The following MAGI2 variants were observed in gnomAD, a reference collection of about 807,000 sequenced individuals.
MAGI2 encodes membrane associated guanylate kinase, WW and PDZ domain containing 2.
In MAGI2, 35 loss-of-function variants were observed where a neutral mutation model predicts 133.3. The ratio of observed to expected loss-of-function variants is 0.26; its 90% CI spans 0.20 to 0.35. MAGI2 has a LOEUF of 0.35. Among genes scored for constraint, MAGI2 ranks in the 10% least tolerant of loss-of-function variants. The probability of loss-of-function intolerance (pLI) is 1.00; values close to 1 mark genes in which losing one functional copy is unlikely to be tolerated. For synonymous variants in MAGI2, 729 were observed against 710.6 expected, an observed-to-expected ratio of 1.03 and a Z score of -0.41; for missense variants, 1,636 against 1,863.4, an observed-to-expected ratio of 0.88 and a Z score of 2.25.
intron 2 of MAGI2, among the ~76,000 whole-genome samples, chr7:78,650,178 G>A (rs907991323): frequency 6.6e-6 from 1 of 152,110 alleles, no homozygotes; most frequent in Non-Finnish European, 1.5e-5. Flanking sequence ...ACAACCGCAA[G>A]CACTGATACT....
intron 2 of MAGI2, among the ~76,000 whole-genome samples, chr7:78,807,930 T>C (rs1054049692): frequency 6.6e-6 from 1 of 152,144 alleles, no homozygotes; most frequent in African/African-American, 2.4e-5. Flanking sequence ...ACGCAGATAG[T>C]AGATGCTAGT....
intron 2 of MAGI2, among the ~76,000 whole-genome samples, chr7:78,687,936 C>T (rs1816518991): frequency 1.6e-5 from 2 of 121,986 alleles, no homozygotes. Flanking sequence ...GGCCACTGTA[C>T]TCCAGTCTGG....
chr7:78,836,668 T>C (rs1357674839), intron 2 of MAGI2, among the ~76,000 whole-genome samples: 1 of 152,200 alleles, frequency 6.6e-6, no homozygotes, highest in Non-Finnish European at 1.5e-5. Context: ...AATAAATAAA[T>C]GAAGAGATTT....
chr7:78,517,504 A>T (rs997973529), intron 4 of MAGI2, among the ~76,000 whole-genome samples: 13 of 152,122 alleles, frequency 8.5e-5, no homozygotes, highest in African/African-American at 3.1e-4. Context: ...CTTTAAGCAA[A>T]ATTTCAGTAT....
intron 1 of MAGI2, among the ~76,000 whole-genome samples, chr7:79,289,116 T>G (rs967374214): frequency 2.0e-5 from 3 of 152,194 alleles, no homozygotes; most frequent in African/African-American, 7.2e-5. Context: ...TGCAGCCTTG[T>G]GTTCTCTGCT....
intron 6 of MAGI2, among the ~76,000 whole-genome samples, chr7:78,436,606 T>A (rs1490882247): frequency 6.6e-6 from 1 of 152,184 alleles, no homozygotes; most frequent in Admixed American, 6.5e-5. Context: ...CTATCCCACT[T>A]TACATGATTT....
intron 1 of MAGI2, among the ~76,000 whole-genome samples, chr7:79,073,736 C>T (rs551585323): frequency 6.6e-6 from 1 of 151,856 alleles, no homozygotes; most frequent in African/African-American, 2.4e-5. Context: ...CCTGCATGAT[C>T]TGGGCACCCC....
chr7:79,452,832 C>G, intron 1 of MAGI2, 188 bp downstream of exon 1: 1 of 614,448 alleles, frequency 1.6e-6, no homozygotes, highest in Non-Finnish European at 2.8e-6. Context: ...CCACAACCTG[C>G]CCCTCCCCTC....
chr7:78,411,091 T>C (rs1042176581), intron 6 of MAGI2, among the ~76,000 whole-genome samples: 4 of 152,052 alleles, frequency 2.6e-5, no homozygotes, highest in African/African-American at 9.7e-5. Context: ...AGCATTTCAG[T>C]AAAGAGAATT....
At chr7:79,127,541 T>G (rs1278574258) in intron 1 of MAGI2, among the ~76,000 whole-genome samples, 1 of 152,226 alleles carries the variant, frequency 6.6e-6, no homozygotes, top group Admixed American at 6.5e-5. Context: ...TGCATTTCTC[T>G]GATGGCCAGT....
At chr7:79,240,220 G>A (rs1325777135) in intron 1 of MAGI2, among the ~76,000 whole-genome samples, 1 of 152,162 alleles carries the variant, frequency 6.6e-6, no homozygotes, top group Non-Finnish European at 1.5e-5. Context: ...GGATGAGCAG[G>A]AGTCAGGGTG....
chr7:79,059,834 C>T (rs1813537906), intron 1 of MAGI2, among the ~76,000 whole-genome samples: 1 of 152,074 alleles, frequency 6.6e-6, no homozygotes, highest in Non-Finnish European at 1.5e-5. Flanking sequence ...ATCAGTTCTG[C>T]CAAAGCAGCA....
intron 10 of MAGI2, among the ~76,000 whole-genome samples, chr7:78,208,583 G>T (rs17809941): frequency 6.6e-6 from 1 of 152,032 alleles, no homozygotes; most frequent in East Asian, 1.9e-4. Context: ...CCTGCTCTGG[G>T]TTTATGGCAC....
At chr7:79,360,264 T>C (rs968468767) in intron 1 of MAGI2, among the ~76,000 whole-genome samples, 1 of 152,004 alleles carries the variant, frequency 6.6e-6, no homozygotes, top group African/African-American at 2.4e-5. Flanking sequence ...ACAAAAATAA[T>C]AATAAAAGTA....
chr7:78,309,190 T>C (rs13247728), intron 9 of MAGI2, among the ~76,000 whole-genome samples: 28,165 of 152,242 alleles, frequency 0.19, 3,362 homozygotes, highest in Middle Eastern at 0.29. Flanking sequence ...TTACTGGGTA[T>C]ATGCCCAAAG....
Position 79,136,012 on chromosome 7 carries a change from AGAAAGAAAGAAAGAAG to A in MAGI2, c.302-128822_302-128807del, listed in dbSNP as rs1562928871. On this transcript the variant is annotated intron_variant, in intron 1 of 21. Coordinates refer to ENST00000354212, the MANE Select transcript of MAGI2 (RefSeq NM_012301.4). Reference sequence around the variant, plus strand: ...GAAAGAAAGAAAGAAAGAGAAAGAAAGAAAGAAAGAAAGAAGGAAAGAAAGAAAGAAAGAAGGAAAG... The same window carrying A: ...GAAAGAAAGAAAGAAAGAGAAAGAAAGAAAGAAAGAAAGAAAGAAGGAAAG... Among the ~76,000 whole-genome samples, 277 of 130,626 alleles carry A rather than the reference AGAAAGAAAGAAAGAAG, an allele frequency of 2.1e-3. 1 individual carries two copies. The highest frequency in any genetic ancestry group is 5.6e-3 in the East Asian group (26 of 4,608). The allele number at this position is 130,626 out of a possible 152,430, so 85.7% of individuals were successfully genotyped here.
At chr7:78,182,805 C>T (rs772102743) in intron 13 of MAGI2, among the ~76,000 whole-genome samples, 6 of 152,216 alleles carry the variant, frequency 3.9e-5, no homozygotes, top group African/African-American at 7.2e-5. Context: ...GTTTCTGTGA[C>T]ACCCCATTTC....
intron 2 of MAGI2, among the ~76,000 whole-genome samples, chr7:78,915,534 T>C (rs955063012): frequency 6.6e-6 from 1 of 152,132 alleles, no homozygotes; most frequent in Non-Finnish European, 1.5e-5. Context: ...AAAATTTTAC[T>C]GAATGACCTC....
intron 2 of MAGI2, among the ~76,000 whole-genome samples, chr7:78,688,655 T>G (rs1475533033): frequency 6.6e-6 from 1 of 152,172 alleles, no homozygotes; most frequent in Non-Finnish European, 1.5e-5. Flanking sequence ...CTTTTATCAG[T>G]GCGAGGTGGA....
Sources: allele counts gnomAD v4.1 joint callset (sites outside exome capture counted in the v4.1 genomes callset), GRCh38; gene constraint gnomAD v4.1.1; transcripts MANE v1.5; gene names NCBI Gene and HGNC (gene_info 2026-07-23, HGNC 2026-07-21).